EVI5: variants seen among roughly 807,000 people sequenced by gnomAD.
The protein encoded by EVI5 is ecotropic viral integration site 5 protein homolog.
A neutral mutation model predicts 112.0 loss-of-function variants in EVI5; 73 were observed. That is an observed-to-expected ratio of 0.65 (90% CI 0.54 to 0.79). The LOEUF (loss-of-function observed/expected upper bound fraction) is 0.79. Ranked by LOEUF, EVI5 falls within the 30% of genes least tolerant of loss-of-function variation. The pLI is 0.00. For synonymous variants in EVI5, 305 were observed against 319.9 expected (o/e 0.95, Z 0.50); for missense variants, 900 against 968.8 (o/e 0.93, Z 0.94).
chr1:92,739,198 G>A (rs1336141861), intron 1 of EVI5, among the ~76,000 whole-genome samples: 2 of 143,578 alleles, frequency 1.4e-5, no homozygotes, highest in Admixed American at 7.4e-5. Flanking sequence ...ACTTGAACCC[G>A]AGAGGCAGAG....
At chr1:92,537,985 C>T (rs1217679948) in intron 19 of EVI5, among the ~76,000 whole-genome samples, 2 of 151,934 alleles carry the variant, frequency 1.3e-5, no homozygotes, top group Non-Finnish European at 1.5e-5. Context: ...CATGCACCCA[C>T]ATTAATAAGT....
At chr1:92,660,561 G>C (rs1046578377) in intron 13 of EVI5, among the ~76,000 whole-genome samples, 4 of 151,984 alleles carry the variant, frequency 2.6e-5, no homozygotes, top group Non-Finnish European at 5.9e-5. Context: ...TTTGAAAATA[G>C]CTAGAAGAGG....
At chr1:92,552,437 CTT>C (rs1449637885) in intron 19 of EVI5, among the ~76,000 whole-genome samples, 5 of 152,174 alleles carry the variant, frequency 3.3e-5, no homozygotes, top group Admixed American at 2.0e-4. Context: ...ACCACATAGT[CTT>C]TATCAAATTA....
chr1:92,582,377 T>C (rs1278607082), intron 18 of EVI5, among the ~76,000 whole-genome samples: 2 of 152,098 alleles, frequency 1.3e-5, no homozygotes, highest in Non-Finnish European at 2.9e-5. Context: ...TAAGACATGA[T>C]AATGAGACAC....
chr1:92,783,631 G>C (rs2103119634), intron 1 of EVI5, among the ~76,000 whole-genome samples: 1 of 151,688 alleles, frequency 6.6e-6, no homozygotes, highest in Non-Finnish European at 1.5e-5. Flanking sequence ...GGCCAACATG[G>C]TGAAACCTCA....
chr1:92,702,594 C>T (rs10218571), intron 4 of EVI5, among the ~76,000 whole-genome samples: 139,759 of 151,698 alleles, frequency 0.92, 64,465 homozygotes, highest in East Asian at 0.97. Flanking sequence ...TCACCTGAGG[C>T]CAGGAGTTCG....
chr1:92,591,353 T>A lies in EVI5; in HGVS notation c.2070+13954A>T, dbSNP rs376228347. Among the ~76,000 whole-genome samples the A allele has an allele frequency of 7.2e-5, 11 of 152,216 alleles. No homozygotes were observed. The East Asian group carries it at 1.4e-3, about 19-fold the overall frequency. On this transcript the variant is annotated intron_variant, in intron 18 of 19. Coordinates refer to ENST00000684568, the MANE Select transcript of EVI5 (RefSeq NM_001350197.2). ...AGAGTCAAGACCCATCAGTGTGCTGTATTCAGGAAACCCACCTCAAGTGCA... is the reference window on the plus strand; with the variant it reads ...AGAGTCAAGACCCATCAGTGTGCTGAATTCAGGAAACCCACCTCAAGTGCA...
chr1:92,635,482 C>T (rs936499312), intron 14 of EVI5, among the ~76,000 whole-genome samples: 2 of 152,204 alleles, frequency 1.3e-5, no homozygotes, highest in African/African-American at 4.8e-5. Context: ...CCGAGCCAGG[C>T]ACAGGACATA....
chr1:92,595,255 G>A (rs1490733159), intron 18 of EVI5, among the ~76,000 whole-genome samples: 1 of 151,776 alleles, frequency 6.6e-6, no homozygotes, highest in East Asian at 1.9e-4. Context: ...ATGAGTTCAT[G>A]TCCTTTGTAG....
intron 18 of EVI5, among the ~76,000 whole-genome samples, chr1:92,604,563 G>A (rs1649932555): frequency 6.6e-6 from 1 of 152,124 alleles, no homozygotes; most frequent in Admixed American, 6.5e-5. Flanking sequence ...GACTGTCTTA[G>A]AGTTAACTCT....
rs917189975 is a variant in EVI5, at chr1:92,509,867, T to C, written c.*3789A>G. 6.6e-5 allele frequency: 10 copies of C among 152,214 alleles called. No individual in the cohort carries two copies. Among genetic ancestry groups the C allele is most frequent in the African/African-American group, 2.4e-4 (10 of 41,450 alleles). 9.4% of individuals were successfully genotyped at this position (152,214 alleles called of 1,614,324 possible). ...TTCATTCACTTTTCTCCCCTGAATA[T>C]ACTCAACTCTAAGTGTTTAACTTAA... is the stretch of plus-strand genomic sequence containing the variant. On this transcript the variant is annotated 3_prime_UTR_variant, in exon 20 of 20. Coordinates refer to ENST00000684568, the MANE Select transcript of EVI5 (RefSeq NM_001350197.2).
intron 14 of EVI5, among the ~76,000 whole-genome samples, chr1:92,626,339 A>C (rs1211957412): frequency 6.6e-6 from 1 of 152,176 alleles, no homozygotes; most frequent in Non-Finnish European, 1.5e-5. Flanking sequence ...TACTTCACTT[A>C]GAACAATGTT....
At chr1:92,518,944 A>G (rs1660412041) in intron 19 of EVI5, among the ~76,000 whole-genome samples, 2 of 152,216 alleles carry the variant, frequency 1.3e-5, no homozygotes, top group African/African-American at 2.4e-5. Flanking sequence ...TAATGTCTAC[A>G]TTAAAATTTT....
intron 1 of EVI5, among the ~76,000 whole-genome samples, chr1:92,780,031 T>C (rs551236713): frequency 2.0e-5 from 3 of 152,322 alleles, no homozygotes; most frequent in South Asian, 4.1e-4. Context: ...CCTTAAATTG[T>C]TAATAATCCC....
At chr1:92,540,820 T>C (rs1396160411) in intron 19 of EVI5, among the ~76,000 whole-genome samples, 1 of 152,174 alleles carries the variant, frequency 6.6e-6, no homozygotes, top group East Asian at 1.9e-4. Flanking sequence ...ATGTCTGTAA[T>C]CCCAGCACTT....
At chr1:92,682,247 G>C (rs1667712557) in intron 9 of EVI5, among the ~76,000 whole-genome samples, 1 of 152,074 alleles carries the variant, frequency 6.6e-6, no homozygotes, top group South Asian at 2.1e-4. Flanking sequence ...TCTGGTGTCG[G>C]CTCAAATAGT....
intron 10 of EVI5, among the ~76,000 whole-genome samples, chr1:92,668,691 A>C (rs1558033354): frequency 1.3e-5 from 2 of 152,192 alleles, no homozygotes; most frequent in Non-Finnish European, 2.9e-5. Context: ...AAAATAAATC[A>C]CCACTTCCTC....
chr1:92,532,439 T>C (rs1231088549), intron 19 of EVI5, among the ~76,000 whole-genome samples: 1 of 152,124 alleles, frequency 6.6e-6, no homozygotes, highest in Non-Finnish European at 1.5e-5. Flanking sequence ...GCAGACCTAG[T>C]AGACATCTAC....
chr1:92,672,529 C>T (rs981208342), intron 10 of EVI5, among the ~76,000 whole-genome samples: 4 of 152,198 alleles, frequency 2.6e-5, no homozygotes, highest in African/African-American at 9.7e-5. Context: ...TACCATTTTA[C>T]ATTCTCTTTC....
Sources: allele counts gnomAD v4.1 joint callset (sites outside exome capture counted in the v4.1 genomes callset), GRCh38; gene constraint gnomAD v4.1.1; transcripts MANE v1.5; gene names NCBI Gene and HGNC (gene_info 2026-07-23, HGNC 2026-07-21).